Variants in VPS13A observed in about 807,000 individuals in gnomAD.
The protein encoded by VPS13A is vacuolar protein sorting 13 homolog A.
A neutral mutation model predicts 390.9 loss-of-function variants in VPS13A; 264 were observed. The ratio of observed to expected loss-of-function variants is 0.68; its 90% CI spans 0.61 to 0.75. The LOEUF is 0.75. Among genes scored for constraint, VPS13A ranks in the 30% least tolerant of loss-of-function variants. The pLI is 0.00. For synonymous variants in VPS13A, 1,231 were observed against 1,227.1 expected (o/e 1.00, Z -0.07); for missense variants, 3,409 against 3,733.9 (o/e 0.91, Z 2.27).
chr9:77,384,725 A>T, intron 68 of VPS13A: 1 of 1,562,390 alleles, frequency 6.4e-7, no homozygotes, highest in Middle Eastern at 2.3e-4. Context: ...TTTCATTAAC[A>T]TGTTTTGTAT....
Position 77,220,361 on chromosome 9 carries a change from C to G in VPS13A, c.967C>G (p.Leu323Val). Reference protein sequence around the residue: ...PYRKFKPDVPLHHHAREWWAY... With the variant: ...PYRKFKPDVPVHHHAREWWAY... ...TAGGAAGTTCAAACCTGATGTGCCT[C>G]TTCACCACCATGCCAGAGAATGGTA... The change falls in exon 12 of 72, where the codon CTT (leucine) becomes GTT (valine). Residue 323 changes from leucine (L) to valine (V), a missense_variant. Around this residue, in one of 5 missense-constraint regions of VPS13A, gnomAD observed 2,717 missense variants for 2,917.4 expected, o/e 0.93. Transcript: ENST00000360280. 1 of 1,609,450 alleles carries G rather than the reference C, an allele frequency of 6.2e-7. No individual in the cohort carries two copies. The highest frequency in any genetic ancestry group is 8.5e-7 in the Non-Finnish European group (1 of 1,178,090).
intron 34 of VPS13A, among the ~76,000 whole-genome samples, chr9:77,307,129 T>G (rs1828804121): frequency 6.6e-6 from 1 of 152,036 alleles, no homozygotes; most frequent in South Asian, 2.1e-4. Context: ...TTCTCTTAAC[T>G]CCTGGCCTCA....
chr9:77,381,946 T>A (rs776688822), intron 67 of VPS13A, 30 bp from the exon 68 acceptor site: 5 of 1,436,148 alleles, frequency 3.5e-6, no homozygotes, highest in Non-Finnish European at 4.8e-6. Flanking sequence ...GAATAATTTT[T>A]AAAATAAAGT....
chr9:77,246,723 A>AT (rs1354626101), intron 19 of VPS13A, among the ~76,000 whole-genome samples: 5 of 152,186 alleles, frequency 3.3e-5, no homozygotes, highest in African/African-American at 1.2e-4. Context: ...AATTAAATTT[A>AT]TTAGACTAAA....
intron 71 of VPS13A, among the ~76,000 whole-genome samples, chr9:77,408,235 C>A (rs1349195110): frequency 2.0e-5 from 3 of 152,206 alleles, no homozygotes; most frequent in African/African-American, 7.2e-5. Flanking sequence ...ACTGTCTGAC[C>A]TCATTGATCA....
At chr9:77,281,709 A>G (rs1827034929) in intron 27 of VPS13A, among the ~76,000 whole-genome samples, 158 bp from the exon 28 acceptor site, 1 of 151,012 alleles carries the variant, frequency 6.6e-6, no homozygotes, top group Non-Finnish European at 1.5e-5. Flanking sequence ...GCGGTTGCTT[A>G]TTTAGGTAAT....
At position 77,351,432 on chromosome 9, in the gene VPS13A, G is replaced by A. The variant is rs138388433; in HGVS notation, c.7405G>A (p.Val2469Ile). 1 of 1,613,540 alleles carries A rather than the reference G, an allele frequency of 6.2e-7. No individual in the cohort carries two copies. The highest frequency in any genetic ancestry group is 8.5e-7 in the Non-Finnish European group (1 of 1,179,600). Residue 2469 changes from valine (V) to isoleucine (I), a missense_variant, in exon 53 of 72, where the codon GTA becomes ATA. Val to Ile is a conservative substitution (Grantham distance 29). Around this residue, in one of 5 missense-constraint regions of VPS13A, gnomAD observed 2,717 missense variants for 2,917.4 expected, o/e 0.93. Coordinates refer to ENST00000360280, the MANE Select transcript of VPS13A (RefSeq NM_033305.3). Reference sequence around the variant, plus strand: ...GAGATGTAGAAAAAGCCATGGTGAAGTAACACAGAAGGATGTAAGTATTGG... The same window carrying A: ...GAGATGTAGAAAAAGCCATGGTGAAATAACACAGAAGGATGTAAGTATTGG... ...KWRCRKSHGE[V>I]TQKDDMMMPI...
At chr9:77,286,050 T>C (rs1827304425) in intron 31 of VPS13A, among the ~76,000 whole-genome samples, 1 of 152,166 alleles carries the variant, frequency 6.6e-6, no homozygotes, top group African/African-American at 2.4e-5. Context: ...GGAGTAGGGG[T>C]TGGCAAGATA....
chr9:77,177,555 C>G lies in VPS13A; in HGVS notation c.-150C>G, dbSNP rs560445300. The G allele has an allele frequency of 2.8e-6, 2 of 712,332 alleles. No homozygotes were observed. 44.1% of individuals were successfully genotyped at this position (712,332 alleles called of 1,614,324 possible). ...GACCGCCTCCGTCTCTCGCTGGGCT[C>G]GCTAGGGCTGCGCGTTGGGCCAGCG... On this transcript the variant is annotated 5_prime_UTR_variant, in exon 1 of 72. Transcript: ENST00000360280.
intron 34 of VPS13A, among the ~76,000 whole-genome samples, chr9:77,307,190 C>T (rs1204013532): frequency 2.6e-5 from 4 of 152,108 alleles, no homozygotes; most frequent in Admixed American, 2.6e-4. Flanking sequence ...CAGGCGTGAC[C>T]CATCACACCT....
intron 26 of VPS13A, among the ~76,000 whole-genome samples, chr9:77,279,145 G>GT (rs1826867061): frequency 6.6e-6 from 1 of 152,248 alleles, no homozygotes. Flanking sequence ...GACTGCCTGA[G>GT]TTCTTGCCCA....
intron 19 of VPS13A, among the ~76,000 whole-genome samples, chr9:77,243,888 T>C (rs1012041946): frequency 1.3e-5 from 2 of 152,160 alleles, no homozygotes; most frequent in East Asian, 1.9e-4. Flanking sequence ...TTTAATGTAA[T>C]GAATTATTAA....
intron 54 of VPS13A, among the ~76,000 whole-genome samples, chr9:77,356,107 C>G: frequency 6.6e-6 from 1 of 152,166 alleles, no homozygotes; most frequent in East Asian, 1.9e-4. Context: ...ATTTGGCCCC[C>G]CACTATAAGT....
chr9:77,200,109 G>T, intron 2 of VPS13A, 121 bp downstream of exon 2: 1 of 968,562 alleles, frequency 1.0e-6, no homozygotes, highest in Middle Eastern at 3.3e-4. Flanking sequence ...AATAATTTTT[G>T]CAAAATGTAA....
At chr9:77,178,186 G>A in intron 1 of VPS13A, 1 of 280,736 alleles carries the variant, frequency 3.6e-6, no homozygotes, top group South Asian at 3.3e-5. Context: ...GCCTTCCTGG[G>A]CTGGGTCCCA....
At chr9:77,316,112 TATAAATA>T (rs1564721877) in intron 38 of VPS13A, 55 bp from the exon 39 acceptor site, 2 of 915,210 alleles carry the variant, frequency 2.2e-6, no homozygotes, top group Admixed American at 8.0e-5. Context: ...AATATTTTCT[TATAAATA>T]ATAAATTATT....
chr9:77,202,958 C>A (rs1449490076), intron 3 of VPS13A, among the ~76,000 whole-genome samples: 1 of 152,014 alleles, frequency 6.6e-6, no homozygotes, highest in Non-Finnish European at 1.5e-5. Context: ...TTTAATGTAT[C>A]CTCACCACTT....
Position 77,238,077 on chromosome 9 carries a change from A to C in VPS13A, c.1671A>C (p.Ser557=). ...CAGAAAAACCCCGCCTCCTGTCTTC[A>C]TTGGATGATGCAATGTCACTTTTCC... ...DNSEKPRLLS[S]LDDAMSLFQI... The change falls in exon 18 of 72, where the codon TCA becomes TCC. Residue 557 remains serine (S), a synonymous_variant. Coordinates refer to ENST00000360280, the MANE Select transcript of VPS13A (RefSeq NM_033305.3). 1 of 1,613,534 alleles carries C rather than the reference A, an allele frequency of 6.2e-7. No individual in the cohort carries two copies. The highest frequency in any genetic ancestry group is 8.5e-7 in the Non-Finnish European group (1 of 1,179,702).
chr9:77,219,716 G>A (rs1823080127), intron 10 of VPS13A, among the ~76,000 whole-genome samples: 1 of 151,762 alleles, frequency 6.6e-6, no homozygotes, highest in Admixed American at 6.6e-5. Flanking sequence ...GGTATTTTGA[G>A]GGGGAGTTCA....
Sources: gnomAD v4.1 joint callset for allele counts (sites outside exome capture counted in the v4.1 genomes callset) on GRCh38, gnomAD v4.1.1 for gene constraint, gnomAD v4.1.1 regional missense constraint, MANE v1.5 for transcripts, NCBI Gene and HGNC (gene_info 2026-07-23, HGNC 2026-07-21) for gene names.